The following ARHGAP6 variants were observed in gnomAD, a reference collection of about 807,000 sequenced individuals.
The protein encoded by ARHGAP6 is Rho GTPase activating protein 6.
In ARHGAP6, 16 loss-of-function variants were observed where a neutral mutation model predicts 55.7. The observed-to-expected ratio is 0.29, with a 90% CI of 0.19 to 0.44. The LOEUF (loss-of-function observed/expected upper bound fraction) is 0.44. Ranked by LOEUF, ARHGAP6 falls within the 20% of genes least tolerant of loss-of-function variation. The pLI is 1.00. For synonymous variants in ARHGAP6, 382 were observed against 360.9 expected (o/e 1.06, Z -0.66); for missense variants, 698 against 808.9 (o/e 0.86, Z 1.66).
At chrX:11,626,892 A>T (rs73500469) in intron 1 of ARHGAP6, among the ~76,000 whole-genome samples, 15,554 of 111,267 alleles carry the variant, frequency 0.14, 998 homozygotes, top group Middle Eastern at 0.23. Context: ...AAAACAGCCC[A>T]TACTGGCAAA....
At chrX:11,653,055 A>G (rs190248681) in intron 1 of ARHGAP6, among the ~76,000 whole-genome samples, 25 of 112,005 alleles carry the variant, frequency 2.2e-4, no homozygotes, top group African/African-American at 3.2e-4. Flanking sequence ...AAAGCAGTCA[A>G]CTTGGTCTCA....
intron 2 of ARHGAP6, among the ~76,000 whole-genome samples, chrX:11,229,981 C>A (rs1483699619): frequency 9.0e-6 from 1 of 111,366 alleles, no homozygotes; most frequent in Admixed American, 9.5e-5. Flanking sequence ...TTCCTTTTAC[C>A]CAAAGCATGT....
intron 1 of ARHGAP6, among the ~76,000 whole-genome samples, chrX:11,358,228 A>C (rs749671485): frequency 4.6e-4 from 51 of 111,951 alleles, no homozygotes; most frequent in African/African-American, 1.6e-3. Context: ...TTTGTGGCTA[A>C]ATATATTCTT....
In ARHGAP6 at chrX:11,386,676, A is replaced by G. The variant is rs73498789; in HGVS notation, c.589-131969T>C. On this transcript the variant is annotated intron_variant, in intron 1 of 12. Transcript: ENST00000337414. ...ACACGGGTCTGAAGTTATAAAGCAC[A>G]GAAAACTTACTTTCCCAGCATCTTG... 8.0e-3 allele frequency among the ~76,000 whole-genome samples: 902 copies of G among 112,429 alleles called. 12 individuals carry two copies. The highest frequency in any genetic ancestry group is 0.028 in the African/African-American group (858 of 30,975).
At chrX:11,493,944 C>T (rs2050597348) in intron 1 of ARHGAP6, among the ~76,000 whole-genome samples, 1 of 107,812 alleles carries the variant, frequency 9.3e-6, no homozygotes, top group Admixed American at 1.0e-4. Flanking sequence ...AGTGATCTTC[C>T]CACCTCAGCC....
intron 1 of ARHGAP6, among the ~76,000 whole-genome samples, chrX:11,257,521 G>C (rs1396094319): frequency 8.9e-6 from 1 of 112,382 alleles, no homozygotes; most frequent in Non-Finnish European, 1.9e-5. Flanking sequence ...TGGCGGGCTA[G>C]AGTTTCCCAA....
chrX:11,561,610 A>T (rs771113081), intron 1 of ARHGAP6, among the ~76,000 whole-genome samples: 3 of 112,351 alleles, frequency 2.7e-5, no homozygotes, highest in Non-Finnish European at 5.6e-5. Flanking sequence ...TTCAACATTA[A>T]TAAGTATATA....
chrX:11,194,993 G>A (rs769891389), intron 3 of ARHGAP6, among the ~76,000 whole-genome samples: 76 of 112,297 alleles, frequency 6.8e-4, no homozygotes, highest in Non-Finnish European at 1.2e-3. Flanking sequence ...CTCGTTGACT[G>A]TGTCACATAA....
intron 1 of ARHGAP6, among the ~76,000 whole-genome samples, chrX:11,531,177 A>T (rs897856591): frequency 3.6e-5 from 4 of 111,426 alleles, no homozygotes; most frequent in Non-Finnish European, 5.7e-5. Context: ...ATTTACATAT[A>T]AAAAATCTAG....
intron 1 of ARHGAP6, among the ~76,000 whole-genome samples, chrX:11,563,805 G>A (rs1270156421): frequency 4.5e-5 from 5 of 110,991 alleles, no homozygotes; most frequent in Admixed American, 9.6e-5. Context: ...TCTTAGTTTC[G>A]CCTGCAATGT....
Position 11,174,606 on chromosome X carries a change from TTC to T in ARHGAP6, c.1629+3492_1629+3493del, listed in dbSNP as rs1569241371. On this transcript the variant is annotated intron_variant, in intron 8 of 12. Transcript: ENST00000337414. ...TCTTTCTTTCTTTTTCTTTCTTTCTTTCTTTCTTTCTCTTTCTTTTCTTTCTT... is the reference window on the plus strand; with the variant it reads ...TCTTTCTTTCTTTTTCTTTCTTTCTTTTTCTTTCTCTTTCTTTTCTTTCTT... Among the ~76,000 whole-genome samples, 7 of 95,129 alleles carry T rather than the reference TTC, an allele frequency of 7.4e-5. No homozygotes were observed. In the East Asian group the frequency reaches 1.3e-3, roughly 17 times the overall value. The allele number at this position is 95,129 out of a possible 115,157, so 82.6% of individuals were successfully genotyped here.
intron 1 of ARHGAP6, among the ~76,000 whole-genome samples, chrX:11,486,206 G>C (rs2050509490): frequency 8.9e-6 from 1 of 112,147 alleles, no homozygotes; most frequent in Non-Finnish European, 1.9e-5. Flanking sequence ...CAGATGTCAT[G>C]CTAGGTGAGG....
intron 2 of ARHGAP6, among the ~76,000 whole-genome samples, chrX:11,242,269 C>T (rs1466753002): frequency 2.7e-5 from 3 of 112,149 alleles, no homozygotes; most frequent in Admixed American, 9.5e-5. Flanking sequence ...GGTAGGGAAG[C>T]TGATCTCATG....
rs561505143 is a variant in ARHGAP6 at position 11,545,473 on chromosome X, T to C, written c.588+118768A>G. ...TCTCAGATAAAGCTATCAGGCTTTCTTAAAAAAAATAATTTGTGCTTCAAA... is the reference window on the plus strand; with the variant it reads ...TCTCAGATAAAGCTATCAGGCTTTCCTAAAAAAAATAATTTGTGCTTCAAA... On this transcript the variant is annotated intron_variant, in intron 1 of 12. Coordinates refer to ENST00000337414, the MANE Select transcript of ARHGAP6 (RefSeq NM_013427.3). 5.4e-5 allele frequency among the ~76,000 whole-genome samples: 6 copies of C among 111,903 alleles called. No homozygotes were observed. In the South Asian group the frequency reaches 2.2e-3, roughly 42 times the overall value.
chrX:11,520,134 T>TATATATAC (rs2050899755), intron 1 of ARHGAP6, among the ~76,000 whole-genome samples: 4 of 23,787 alleles, frequency 1.7e-4, no homozygotes, highest in Non-Finnish European at 2.8e-4. Flanking sequence ...ATTGATTTTA[T>TATATATAC]ATATATATAT....
chrX:11,597,902 T>C (rs192133590), intron 1 of ARHGAP6, among the ~76,000 whole-genome samples: 9 of 112,226 alleles, frequency 8.0e-5, no homozygotes, highest in Admixed American at 5.7e-4. Context: ...CTAAGAGCAA[T>C]GCGGAGCCAT....
chrX:11,329,561 ATC>A (rs1569302432), intron 1 of ARHGAP6, among the ~76,000 whole-genome samples: 1 of 112,526 alleles, frequency 8.9e-6, no homozygotes, highest in Non-Finnish European at 1.9e-5. Context: ...CAAGAATTGT[ATC>A]TCTGTTAAAG....
At position 11,142,252 on chromosome X, in the gene ARHGAP6, GGA is replaced by G. The variant is rs1186275951; in HGVS notation, c.2236_2237del (p.Ser746GlnfsTer14). The G allele has an allele frequency of 1.7e-5, 20 of 1,196,459 alleles. 1 individual carries two copies. The highest frequency in any genetic ancestry group is 4.7e-4 in the Middle Eastern group (2 of 4,269). On this transcript the variant is annotated frameshift_variant, in exon 12 of 13. Coordinates refer to ENST00000337414, the MANE Select transcript of ARHGAP6 (RefSeq NM_013427.3). LOFTEE classifies it low-confidence loss of function (END_TRUNC). Reference protein sequence around the residue: ...GTWHSTLKSGSKDPGMTGSSG... With the variant: ...GTWHSTLKSGXKDPGMTGSSG... ...CTTCACCTGTCATTCCTGGGTCTTT[GGA>G]TCCGCTTTTTAATGTTGAATGCCAA...
In ARHGAP6 at chrX:11,154,845, A is replaced by G. The variant is rs2045841615; in HGVS notation, c.1907+1684T>C. The stretch of plus-strand genomic sequence containing the variant: ...GTAAGCCTAATTCTCTGATATGAAA[A>G]GCAAGACCATAAAATACTAGCTCAT... On this transcript the variant is annotated intron_variant, in intron 10 of 12. Coordinates refer to ENST00000337414, the MANE Select transcript of ARHGAP6 (RefSeq NM_013427.3). 2.7e-5 allele frequency among the ~76,000 whole-genome samples: 3 copies of G among 112,600 alleles called. No homozygotes were observed. The South Asian group carries it at 1.1e-3, about 41-fold the overall frequency.
Sources: gnomAD v4.1 joint callset for allele counts (sites outside exome capture counted in the v4.1 genomes callset) on GRCh38, gnomAD v4.1.1 for gene constraint, MANE v1.5 for transcripts, NCBI Gene and HGNC (gene_info 2026-07-23, HGNC 2026-07-21) for gene names.